PRMT2: variants seen among roughly 807,000 people sequenced by gnomAD.
The protein encoded by PRMT2 is protein arginine methyltransferase 2, also known as protein arginine N-methyltransferase 2.
In PRMT2, 26 loss-of-function variants were observed where a neutral mutation model predicts 57.6. That is an observed-to-expected ratio of 0.45 (90% CI 0.33 to 0.63). The LOEUF is 0.63. PRMT2 is among the 20% of genes least tolerant of loss of function. PRMT2 has a pLI of 0.02. For synonymous variants in PRMT2, 219 were observed against 220.0 expected, an observed-to-expected ratio of 1.00 and a Z score of 0.04; for missense variants, 472 against 564.4, an observed-to-expected ratio of 0.84 and a Z score of 1.66.
chr21:46,656,293 A>G (rs1398810563), intron 7 of PRMT2, among the ~76,000 whole-genome samples: 1 of 152,190 alleles, frequency 6.6e-6, no homozygotes, highest in Non-Finnish European at 1.5e-5. Flanking sequence ...AACTTTCCCA[A>G]CCAGCAGAAC....
intron 3 of PRMT2, among the ~76,000 whole-genome samples, chr21:46,638,056 T>G (rs1282361665): frequency 2.6e-5 from 4 of 152,190 alleles, no homozygotes; most frequent in African/African-American, 9.7e-5. Flanking sequence ...AACACTACTG[T>G]GAATCATGAG....
At chr21:46,659,647 C>T (rs2061590746) in intron 8 of PRMT2, 1 of 985,224 alleles carries the variant, frequency 1.0e-6, no homozygotes, top group Non-Finnish European at 1.2e-6. Flanking sequence ...AAATAGTAGC[C>T]CAGGCTTGCC....
In PRMT2 at chr21:46,649,526, G is replaced by A. The variant is rs771827576; in HGVS notation, c.490-49G>A. The A allele has an allele frequency of 2.4e-5, 38 of 1,612,548 alleles. No individual in the cohort carries two copies. Among genetic ancestry groups the A allele is most frequent in the East Asian group, 4.5e-5 (2 of 44,884 alleles). ...GTTGTGACTCAGGAGAGTAGATGAC[G>A]GGCCGTGTGCCGGCCGGATGTACGC... On this transcript the variant is annotated intron_variant, in intron 6 of 11. Transcript: ENST00000355680. This position sits in a 1 kb window ranked among gnomAD's most constrained non-coding sequence, Gnocchi z 4.8.
chr21:46,653,855 A>C lies in PRMT2; in HGVS notation c.654+4116A>C, dbSNP rs1164642002. Reference sequence around the variant, plus strand: ...TTATGGCTACACTTAGACATCTCCAACCAAGGTCTCTTCACCTCCTTCTAC... The same window carrying C: ...TTATGGCTACACTTAGACATCTCCACCCAAGGTCTCTTCACCTCCTTCTAC... On this transcript the variant is annotated intron_variant, in intron 7 of 11. Coordinates refer to ENST00000355680, the MANE Select transcript of PRMT2 (RefSeq NM_206962.4). The C allele has an allele frequency of 6.8e-6, 7 of 1,024,766 alleles. No homozygotes were observed. The African/African-American group carries it at 1.2e-4, about 18-fold the overall frequency. 63.5% of individuals were successfully genotyped at this position (1,024,766 alleles called of 1,614,324 possible).
chr21:46,658,044 C>G (rs111547019), intron 7 of PRMT2: 1 of 152,288 alleles, frequency 6.6e-6, no homozygotes, highest in African/African-American at 2.4e-5. Flanking sequence ...TCTGTTGTTT[C>G]TCATCAACTA....
intron 7 of PRMT2, among the ~76,000 whole-genome samples, chr21:46,650,283 G>A (rs979144288): frequency 6.0e-3 from 3 of 500 alleles, no homozygotes; most frequent in African/African-American, 0.058. Flanking sequence ...GCTGGATGCT[G>A]TCTGCCCGCG....
intron 8 of PRMT2, chr21:46,660,002 T>C (rs1279215947): frequency 1.0e-6 from 1 of 984,034 alleles, no homozygotes; most frequent in Non-Finnish European, 1.2e-6. Context: ...TATATCACAA[T>C]GCTAAGACAG....
At chr21:46,655,488 A>T (rs1469145569) in intron 7 of PRMT2, among the ~76,000 whole-genome samples, 1 of 152,190 alleles carries the variant, frequency 6.6e-6, no homozygotes, top group African/African-American at 2.4e-5. Flanking sequence ...AAAAAAATTG[A>T]CAAAATTCAA....
chr21:46,636,849 A>T, intron 2 of PRMT2, 47 bp from the exon 3 acceptor site: 2 of 1,141,674 alleles, frequency 1.8e-6, no homozygotes, highest in Non-Finnish European at 2.5e-6. Flanking sequence ...CTCAATTATT[A>T]AGCAATGTAA....
intron 7 of PRMT2, chr21:46,654,233 C>A: frequency 1.6e-6 from 1 of 625,318 alleles, no homozygotes; most frequent in Non-Finnish European, 2.0e-6. Context: ...TTGGAAACAA[C>A]AGAATTGTAG....
rs563969401 is a variant in PRMT2 at position 46,653,639 on chromosome 21, T to C, written c.654+3900T>C. On this transcript the variant is annotated intron_variant, in intron 7 of 11. Coordinates refer to ENST00000355680, the MANE Select transcript of PRMT2 (RefSeq NM_206962.4). ...GATGTTCATGTTTTATGCCTTGATA[T>C]TTCTTTTTGGTTGCATTCCCTGGAG... is the stretch of plus-strand genomic sequence containing the variant. 53 of 1,224,454 alleles carry C rather than the reference T, an allele frequency of 4.3e-5. No individual in the cohort carries two copies. The African/African-American group carries it at 7.9e-4, about 18-fold the overall frequency. The allele number at this position is 1,224,454 out of a possible 1,614,324, so 75.8% of individuals were successfully genotyped here.
At chr21:46,656,515 C>T (rs920915817) in intron 7 of PRMT2, among the ~76,000 whole-genome samples, 5 of 151,830 alleles carry the variant, frequency 3.3e-5, no homozygotes, top group East Asian at 1.9e-4. Flanking sequence ...GGAATGGAGA[C>T]GAGAGATTTC....
rs1569164708 is a variant in PRMT2, at chr21:46,660,860, A to G, written c.858A>G (p.Ser286=). 6.2e-7 allele frequency: 1 copy of G among 1,613,572 alleles called. No individual in the cohort carries two copies. Residue 286 remains serine, a synonymous_variant, in exon 9 of 12, where the codon TCA becomes TCG. Coordinates refer to ENST00000355680, the MANE Select transcript of PRMT2 (RefSeq NM_206962.4). ...CTTTAGCAGTTAAGGAGTTTTTTTC[A>G]AAGCCCAAGTATAACCACATTTTGA... ...LKSLAVKEFF[S]KPKYNHILKP...
At chr21:46,644,787 C>G (rs1271521355) in intron 5 of PRMT2, among the ~76,000 whole-genome samples, 3 of 152,114 alleles carry the variant, frequency 2.0e-5, no homozygotes, top group African/African-American at 4.8e-5. Flanking sequence ...ATGTAAAACC[C>G]ACTGTTAGTT....
chr21:46,659,676 G>A, intron 8 of PRMT2: 3 of 985,434 alleles, frequency 3.0e-6, no homozygotes, highest in Non-Finnish European at 2.4e-6. Flanking sequence ...GCAGGGAGGT[G>A]TGGCTGCCAG....
chr21:46,650,612 A>C (rs2061435496), intron 7 of PRMT2, among the ~76,000 whole-genome samples: 1 of 152,172 alleles, frequency 6.6e-6, no homozygotes. Flanking sequence ...CTGAAGGGGC[A>C]TTTGCCTTTG....
In PRMT2 at chr21:46,648,443, G is replaced by A. The variant is rs1473962839; in HGVS notation, c.328-15G>A. On this transcript the variant is annotated splice_polypyrimidine_tract_variant and intron_variant, in intron 5 of 11. Coordinates refer to ENST00000355680, the MANE Select transcript of PRMT2 (RefSeq NM_206962.4). This position sits in a 1 kb window ranked among gnomAD's most constrained non-coding sequence, Gnocchi z 4.8. ...TAGGTCACAGGCAGTGATTCTGAAT[G>A]TGCATTTCTTCCAGAAACTCCACTT... 1 of 1,613,436 alleles carries A rather than the reference G, an allele frequency of 6.2e-7. No homozygotes were observed. Among genetic ancestry groups the A allele is most frequent in the South Asian group, 1.1e-5 (1 of 91,022 alleles).
Position 46,651,681 on chromosome 21 carries a change from C to T in PRMT2, c.654+1942C>T, listed in dbSNP as rs568368715. ...CCAAGGAGGCCCAGAACAGGGCAGA[C>T]GGGGCTGCAAGAGTTCCTATGGCGA... On this transcript the variant is annotated intron_variant, in intron 7 of 11. Transcript: ENST00000355680. 184 of 1,090,144 alleles carry T rather than the reference C, an allele frequency of 1.7e-4. No individual in the cohort carries two copies. In the South Asian group the frequency reaches 2.0e-3, roughly 12 times the overall value. The allele number at this position is 1,090,144 out of a possible 1,614,324, so 67.5% of individuals were successfully genotyped here.
chr21:46,659,696 G>A (rs1296775222), intron 8 of PRMT2: 1 of 984,734 alleles, frequency 1.0e-6, no homozygotes, highest in African/African-American at 1.7e-5. Context: ...GGGCCTTAGA[G>A]GTTGGCATCA....
Sources: allele counts gnomAD v4.1 joint callset (sites outside exome capture counted in the v4.1 genomes callset), GRCh38; gene constraint gnomAD v4.1.1; non-coding constraint Gnocchi (gnomAD v3.1); transcripts MANE v1.5; gene names NCBI Gene and HGNC (gene_info 2026-07-23, HGNC 2026-07-21).